The following TUBGCP6 variants were observed in gnomAD, a reference collection of about 807,000 sequenced individuals.
TUBGCP6 encodes the protein gamma-tubulin complex component 6.
TUBGCP6 carries 161 observed loss-of-function variants against 175.8 expected under a neutral mutation model. The ratio of observed to expected loss-of-function variants is 0.92; its 90% CI spans 0.81 to 1.04. The LOEUF is 1.04. TUBGCP6 is among the 50% of genes least tolerant of loss of function. The probability of loss-of-function intolerance (pLI) is 0.00; values close to 1 mark genes in which losing one functional copy is unlikely to be tolerated. For synonymous variants in TUBGCP6, 1,173 were observed against 1,030.5 expected, an observed-to-expected ratio of 1.14 and a Z score of -2.65; for missense variants, 2,572 against 2,433.0, an observed-to-expected ratio of 1.06 and a Z score of -1.20.
intron 2 of TUBGCP6, among the ~76,000 whole-genome samples, chr22:50,235,941 GAA>G (rs542229305): frequency 6.4e-5 from 8 of 124,246 alleles, no homozygotes; most frequent in African/African-American, 2.1e-4. Context: ...CTCCATCTCG[GAA>G]AAAAAAAAAA....
At chr22:50,235,882 G>A (rs1423065262) in intron 2 of TUBGCP6, among the ~76,000 whole-genome samples, 1 of 151,058 alleles carries the variant, frequency 6.6e-6, no homozygotes, top group Admixed American at 6.6e-5. Flanking sequence ...GGAGGTTGCA[G>A]TGAGCCAAGA....
rs1601614309 is a variant in TUBGCP6, at chr22:50,244,777, C to A, written c.-318G>T. 3 of 328,276 alleles carry A rather than the reference C, an allele frequency of 9.1e-6. No homozygotes were observed. In the South Asian group the frequency reaches 1.3e-4, roughly 15 times the overall value. 20.3% of individuals were successfully genotyped at this position (328,276 alleles called of 1,614,324 possible). A position where few individuals can be genotyped will look rare whatever the true frequency, so the allele number is the denominator to read the frequency against. On this transcript the variant is annotated 5_prime_UTR_variant, in exon 1 of 25. Transcript: ENST00000248846. The stretch of plus-strand genomic sequence containing the variant: ...ACAGAACCGTGGCAAAACCGAAGAA[C>A]GAAACGCGCGCCCGCGCAGTACAGC...
chr22:50,231,964 C>G (rs1245978309), intron 3 of TUBGCP6, among the ~76,000 whole-genome samples: 1 of 151,098 alleles, frequency 6.6e-6, no homozygotes, highest in African/African-American at 2.4e-5. Context: ...CTCACACTTG[C>G]AATCCCAGGA....
Position 50,226,829 on chromosome 22 carries a change from A to G in TUBGCP6, c.1505T>C (p.Leu502Pro). The G allele has an allele frequency of 6.3e-7, 1 of 1,582,052 alleles. No homozygotes were observed. The highest frequency in any genetic ancestry group is 1.2e-5 in the South Asian group (1 of 86,614). ...RAAFPTGVKL[L>P]SYLYQEALHN... Reference sequence around the variant, plus strand: ...CAGAGCCTCCTGGTAGAGGTAGGACAGCAGCTTCACGCCCTGCAGACCGCA... The same window carrying G: ...CAGAGCCTCCTGGTAGAGGTAGGACGGCAGCTTCACGCCCTGCAGACCGCA... Residue 502 changes from leucine (L) to proline (P), a missense_variant, in exon 7 of 25, where the codon CTG (leucine) becomes CCG (proline). By Grantham distance (98) the Leu-to-Pro change is moderately conservative (BLOSUM62 -3). Coordinates refer to ENST00000248846, the MANE Select transcript of TUBGCP6 (RefSeq NM_020461.4).
chr22:50,232,236 T>C (rs1186002379), intron 3 of TUBGCP6, among the ~76,000 whole-genome samples: 1 of 150,148 alleles, frequency 6.7e-6, no homozygotes, highest in Non-Finnish European at 1.5e-5. Context: ...CGTAGTGACA[T>C]GCACCTGTAA....
intron 5 of TUBGCP6, among the ~76,000 whole-genome samples, chr22:50,227,396 C>T (rs1026305202): frequency 6.6e-6 from 1 of 152,126 alleles, no homozygotes; most frequent in African/African-American, 2.4e-5. Context: ...AGAGCCCCTC[C>T]CATCCACACA....
chr22:50,221,268 C>G lies in TUBGCP6; in HGVS notation c.3091G>C (p.Gly1031Arg), dbSNP rs762265703. 1.3e-5 allele frequency: 21 copies of G among 1,613,778 alleles called. No homozygotes were observed. Among genetic ancestry groups the G allele is most frequent in the Non-Finnish European group, 1.8e-5 (21 of 1,179,916 alleles). Residue 1031 changes from glycine (G) to arginine (R), a missense_variant, in exon 16 of 25, where the codon GGG (glycine) becomes CGG (arginine). Coordinates refer to ENST00000248846, the MANE Select transcript of TUBGCP6 (RefSeq NM_020461.4). The stretch of plus-strand genomic sequence containing the variant: ...TAGTCCCCTGTGGGAAGACCACCCC[C>G]TGACACCTGCCCAAAGAGCCGCTCT... ...PTERLFGQVS[G>R]GGLPTGDYAS...
At position 50,222,578 on chromosome 22, in the gene TUBGCP6, T is replaced by C. The variant is rs1364119846; in HGVS notation, c.2285A>G (p.Asp762Gly). ...CTCTGCAGAGAGCTTGCTGTAGTGG[T>C]CGACCAGTGCCTGCCTGAAGCCACA... is the stretch of plus-strand genomic sequence containing the variant. ...LERKARQALV[D>G]HYSKLSAEAA... is the part of the protein sequence containing the mutation. The change falls in exon 14 of 25, where the codon GAC becomes GGC. Residue 762 changes from aspartate to glycine, a missense_variant. Coordinates refer to ENST00000248846, the MANE Select transcript of TUBGCP6 (RefSeq NM_020461.4). The C allele has an allele frequency of 1.9e-6, 3 of 1,611,826 alleles. No homozygotes were observed. The African/African-American group carries it at 4.0e-5, about 22-fold the overall frequency.
In TUBGCP6 at chr22:50,244,294, G is replaced by A. The variant is rs1268163857; in HGVS notation, c.166C>T (p.Gln56Ter). ...AGTTTTGACATGTCAGGCTGCAGCT[G>A]TTGAGTCTCATCTTGAAAAAGATTT... Reference protein sequence around the residue: ...FTNLFQDETQQLQPDMSKLPA... With the variant: ...FTNLFQDETQ The change falls in exon 1 of 25, where the codon CAG becomes TAG. Residue 56 changes from glutamine (Q) to a stop codon, truncating the protein, a stop_gained. Coordinates refer to ENST00000248846, the MANE Select transcript of TUBGCP6 (RefSeq NM_020461.4). LOFTEE classifies it high-confidence loss of function. 2.5e-6 allele frequency: 4 copies of A among 1,613,586 alleles called. No individual in the cohort carries two copies. The highest frequency in any genetic ancestry group is 2.7e-5 in the African/African-American group (2 of 74,952).
chr22:50,219,985 AGGTCCTCAGTGTCCCCGCTCCTCCCAG>A lies in TUBGCP6; in HGVS notation c.4112_4138del (p.Pro1371_Asp1379del), dbSNP rs756160666. 5 of 1,613,954 alleles carry A rather than the reference AGGTCCTCAGTGTCCCCGCTCCTCCCAG, an allele frequency of 3.1e-6. No individual in the cohort carries two copies. The South Asian group carries it at 5.5e-5, about 18-fold the overall frequency. ...TGAGTTGAGAGGCCAATTTGGAGAG[AGGTCCTCAGTGTCCCCGCTCCTCCCAG>A]GGCCTGTGTGGACACAAGTGGACAC... On this transcript the variant is annotated inframe_deletion, in exon 17 of 25. Coordinates refer to ENST00000248846, the MANE Select transcript of TUBGCP6 (RefSeq NM_020461.4).
chr22:50,241,384 C>A (rs980508046), intron 1 of TUBGCP6, among the ~76,000 whole-genome samples: 3 of 151,814 alleles, frequency 2.0e-5, no homozygotes, highest in Non-Finnish European at 2.9e-5. Context: ...AAAGCACCCA[C>A]TACTTAGCAG....
rs2064512943 is a variant in TUBGCP6 at position 50,221,030 on chromosome 22, A to C, written c.3329T>G (p.Val1110Gly). ...TRPRWNIHGHVSNASIRVGEN... is the reference protein window; with the variant it reads ...TRPRWNIHGHGSNASIRVGEN... ...CCCGACCCTGATGCTGGCGTTGGAC[A>C]CATGTCCATGGATGTTCCACCGTGG... Residue 1110 changes from valine (V) to glycine (G), a missense_variant, in exon 16 of 25, where the codon GTG becomes GGG. By Grantham distance (109) the Val-to-Gly change is moderately radical (BLOSUM62 -3). Transcript: ENST00000248846. 1 of 1,611,552 alleles carries C rather than the reference A, an allele frequency of 6.2e-7. No individual in the cohort carries two copies. Among genetic ancestry groups the C allele is most frequent in the Non-Finnish European group, 8.5e-7 (1 of 1,179,542 alleles).
At chr22:50,218,653 C>G (rs775438615) in intron 21 of TUBGCP6, 33 bp from the exon 22 acceptor site, 2 of 1,613,444 alleles carry the variant, frequency 1.2e-6, no homozygotes, top group East Asian at 4.5e-5. Context: ...AGGCATCCCA[C>G]AGGCAGGCAG....
Position 50,222,500 on chromosome 22 carries a change from T to C in TUBGCP6, c.2363A>G (p.Glu788Gly). Residue 788 changes from glutamate to glycine, a missense_variant, in exon 14 of 25, where the codon GAG becomes GGG. Coordinates refer to ENST00000248846, the MANE Select transcript of TUBGCP6 (RefSeq NM_020461.4). Reference protein sequence around the residue: ...ALWRIQRHRLESARLRFLLED... With the variant: ...ALWRIQRHRLGSARLRFLLED... ...TAAGAGAAAACGAAGCCGTGCACTC[T>C]CCAGTCGGTGCCTCTGGATTCTCCA... 6.2e-7 allele frequency: 1 copy of C among 1,613,876 alleles called. No homozygotes were observed. The highest frequency in any genetic ancestry group is 8.5e-7 in the Non-Finnish European group (1 of 1,180,030).
rs149982006 is a variant in TUBGCP6, at chr22:50,226,795, G to A, written c.1539C>T (p.Cys513=). The A allele has an allele frequency of 1.1e-4, 172 of 1,591,546 alleles. 1 individual carries two copies. The African/African-American group carries it at 2.0e-3, about 18-fold the overall frequency. ...SYLYQEALHN[C]SNEHYPVLLS... is the part of the protein sequence containing the mutation. ...GCAGTACAGGGTAGTGCTCGTTGCT[G>A]CAGTTGTGCAGAGCCTCCTGGTAGA... The change falls in exon 7 of 25, where the codon TGC becomes TGT. Residue 513 remains cysteine, a synonymous_variant. Transcript: ENST00000248846.
chr22:50,218,840 GCA>G lies in TUBGCP6; in HGVS notation c.4682_4683del (p.Val1561AlafsTer269), dbSNP rs1194927776. ...AGGCTGCACTGCAGGGCCTTGCTCA[GCA>G]CAGAGTTCAGCACCAGCGGGTTGAG... is the stretch of plus-strand genomic sequence containing the variant. ...ELLNPLVLNS[V>X]LSKALQCSLH... On this transcript the variant is annotated frameshift_variant, in exon 21 of 25. Transcript: ENST00000248846. LOFTEE classifies it high-confidence loss of function. 4 of 1,614,054 alleles carry G rather than the reference GCA, an allele frequency of 2.5e-6. No homozygotes were observed. Among genetic ancestry groups the G allele is most frequent in the East Asian group, 2.2e-5 (1 of 44,872 alleles).
In TUBGCP6 at chr22:50,244,526, G is replaced by A; in HGVS notation, c.-67C>T. On this transcript the variant is annotated 5_prime_UTR_variant, in exon 1 of 25. Transcript: ENST00000248846. ...CTCACCCGGGCTTCACTCACGCTCC[G>A]GAAGACAGGGAGTGAGAGAGGGTCC... 1 of 1,502,894 alleles carries A rather than the reference G, an allele frequency of 6.7e-7. No individual in the cohort carries two copies. The highest frequency in any genetic ancestry group is 2.2e-5 in the Admixed American group (1 of 45,840). 93.1% of individuals were successfully genotyped at this position (1,502,894 alleles called of 1,614,324 possible).
intron 14 of TUBGCP6, 32 bp downstream of exon 14, chr22:50,222,422 G>A (rs770848954): frequency 1.2e-5 from 19 of 1,611,454 alleles, no homozygotes; most frequent in Admixed American, 6.7e-5. Context: ...AAAGCCCAGG[G>A]GAAGAGCTGC....
Position 50,220,248 on chromosome 22 carries a change from G to C in TUBGCP6, c.4108+3C>G. ...TCCTGACCACCAGCCACCCTACTCT[G>C]ACCTAGTTCTTCAGAGACACTGTCT... On this transcript the variant is annotated splice_donor_region_variant and intron_variant, in intron 16 of 24. Transcript: ENST00000248846. 6.4e-7 allele frequency: 1 copy of C among 1,551,756 alleles called. No homozygotes were observed. The highest frequency in any genetic ancestry group is 8.7e-7 in the Non-Finnish European group (1 of 1,145,254).
Sources: allele counts gnomAD v4.1 joint callset (sites outside exome capture counted in the v4.1 genomes callset), GRCh38; gene constraint gnomAD v4.1.1; transcripts MANE v1.5; gene names NCBI Gene and HGNC (gene_info 2026-07-23, HGNC 2026-07-21).